The following CACNA2D3 variants were observed in gnomAD, a reference collection of about 807,000 sequenced individuals.
CACNA2D3 encodes calcium voltage-gated channel auxiliary subunit alpha2delta 3.
CACNA2D3 carries 60 observed loss-of-function variants against 160.6 expected under a neutral mutation model. The observed-to-expected ratio is 0.37, with a 90% CI of 0.30 to 0.46. The LOEUF is 0.46. Among genes scored for constraint, CACNA2D3 ranks in the 20% least tolerant of loss-of-function variants. The pLI is 1.00. For missense variants in CACNA2D3, 1,205 were observed against 1,365.0 expected, an observed-to-expected ratio of 0.88 and a Z score of 1.85; for synonymous variants, 558 against 492.9, an observed-to-expected ratio of 1.13 and a Z score of -1.75.
chr3:55,005,537 T>C (rs1311558948), intron 32 of CACNA2D3, among the ~76,000 whole-genome samples: 1 of 152,172 alleles, frequency 6.6e-6, no homozygotes. Context: ...CCCATTTTGA[T>C]CACAGGTATT....
chr3:54,773,785 A>T (rs1354388023), intron 13 of CACNA2D3, among the ~76,000 whole-genome samples: 1 of 152,172 alleles, frequency 6.6e-6, no homozygotes, highest in Non-Finnish European at 1.5e-5. Context: ...AGAGTTTTCT[A>T]TTAAACAGAG....
chr3:54,796,186 T>C (rs1289537266), intron 13 of CACNA2D3, among the ~76,000 whole-genome samples: 3 of 152,190 alleles, frequency 2.0e-5, no homozygotes, highest in African/African-American at 7.2e-5. Context: ...CAGAGTACTT[T>C]AAGTTTTTAG....
intron 4 of CACNA2D3, among the ~76,000 whole-genome samples, chr3:54,500,492 CCTTCCTTCCTAT>C (rs1477787059): frequency 2.7e-5 from 4 of 148,886 alleles, no homozygotes; most frequent in African/African-American, 7.4e-5. Context: ...TTCCTATCTT[CCTTCCTTCCTAT>C]CTTCCTTCCT....
intron 4 of CACNA2D3, among the ~76,000 whole-genome samples, chr3:54,490,204 T>C (rs946614491): frequency 8.5e-5 from 13 of 152,232 alleles, no homozygotes; most frequent in African/African-American, 2.9e-4. Flanking sequence ...GCAGGCACTG[T>C]GTGGTGACTT....
intron 4 of CACNA2D3, among the ~76,000 whole-genome samples, chr3:54,388,763 G>A (rs1308306961): frequency 6.6e-6 from 1 of 152,198 alleles, no homozygotes; most frequent in East Asian, 1.9e-4. Flanking sequence ...GACTTGTAGA[G>A]TGGGCCAGAA....
In CACNA2D3 at chr3:54,896,754, TC is replaced by T. The variant is rs1559621156; in HGVS notation, c.2254del (p.Leu752Ter). 2 of 1,613,982 alleles carry T rather than the reference TC, an allele frequency of 1.2e-6. No homozygotes were observed. The highest frequency in any genetic ancestry group is 1.7e-6 in the Non-Finnish European group (2 of 1,179,876). The stretch of plus-strand genomic sequence containing the variant: ...TGATTCTTTTCCACTTCAAGGGACT[TC>T]CTGAAAGCTGGCGACAAGGAGAACA... ...VGAEQLTNQD[F>X]LKAGDKENIF... On this transcript the variant is annotated frameshift_variant, in exon 26 of 38. Transcript: ENST00000474759. LOFTEE classifies it high-confidence loss of function.
chr3:54,803,251 C>G (rs1233202564), intron 13 of CACNA2D3, among the ~76,000 whole-genome samples: 1 of 152,188 alleles, frequency 6.6e-6, no homozygotes. Context: ...TTCAGACGAT[C>G]AAACTACTCC....
intron 10 of CACNA2D3, 81 bp downstream of exon 10, chr3:54,627,957 G>T: frequency 1.0e-6 from 1 of 972,482 alleles, no homozygotes. Flanking sequence ...GCCAGGCTGG[G>T]CGCTGTGGTT....
At chr3:54,470,534 TA>T (rs1294950088) in intron 4 of CACNA2D3, among the ~76,000 whole-genome samples, 2 of 152,086 alleles carry the variant, frequency 1.3e-5, no homozygotes, top group Admixed American at 6.5e-5. Context: ...AATTAATGGG[TA>T]AAATAACCAG....
chr3:54,239,131 A>T (rs1169384622), intron 2 of CACNA2D3, among the ~76,000 whole-genome samples: 1 of 152,240 alleles, frequency 6.6e-6, no homozygotes. Flanking sequence ...GCAGTATTGT[A>T]CAGTAATTAT....
chr3:54,273,713 C>T (rs951581495), intron 2 of CACNA2D3, among the ~76,000 whole-genome samples: 18 of 152,174 alleles, frequency 1.2e-4, no homozygotes, highest in African/African-American at 3.4e-4. Flanking sequence ...ATCTGGCGAC[C>T]GTTCTCGGAG....
chr3:55,013,942 C>T (rs1205809485), intron 34 of CACNA2D3, among the ~76,000 whole-genome samples: 14 of 152,126 alleles, frequency 9.2e-5, no homozygotes, highest in Admixed American at 9.2e-4. Context: ...CGGACGCTCC[C>T]TTGGGTGCTT....
At chr3:55,005,577 C>G (rs1703077749) in intron 32 of CACNA2D3, among the ~76,000 whole-genome samples, 1 of 152,170 alleles carries the variant, frequency 6.6e-6, no homozygotes, top group African/African-American at 2.4e-5. Flanking sequence ...CACTGGGTTT[C>G]AGCATCGTTT....
At chr3:54,233,133 T>G (rs560021309) in intron 2 of CACNA2D3, among the ~76,000 whole-genome samples, 1 of 152,320 alleles carries the variant, frequency 6.6e-6, no homozygotes, top group South Asian at 2.1e-4. Flanking sequence ...GTGTCCTTTT[T>G]TCATTCACTC....
intron 4 of CACNA2D3, among the ~76,000 whole-genome samples, chr3:54,452,040 C>T (rs1421484621): frequency 1.3e-5 from 2 of 152,176 alleles, no homozygotes; most frequent in African/African-American, 4.8e-5. Flanking sequence ...CTAGAAGTAC[C>T]TTTAAACTTC....
At chr3:54,960,994 T>A (rs970891415) in intron 27 of CACNA2D3, among the ~76,000 whole-genome samples, 3 of 152,244 alleles carry the variant, frequency 2.0e-5, no homozygotes, top group African/African-American at 7.2e-5. Flanking sequence ...AACCCTGGGT[T>A]AATCATGAAA....
chr3:55,062,878 T>C (rs750959494), intron 35 of CACNA2D3, among the ~76,000 whole-genome samples: 2 of 152,218 alleles, frequency 1.3e-5, no homozygotes, highest in Admixed American at 1.3e-4. Flanking sequence ...ACTCCAAAGC[T>C]TACAGTTTTC....
At chr3:55,026,990 C>T (rs358445) in intron 35 of CACNA2D3, among the ~76,000 whole-genome samples, 3 of 146,518 alleles carry the variant, frequency 2.0e-5, no homozygotes, top group Non-Finnish European at 4.4e-5. Context: ...CGCGCATGCA[C>T]GCACACACAC....
intron 29 of CACNA2D3, among the ~76,000 whole-genome samples, chr3:54,981,114 A>C (rs1679934906): frequency 6.6e-6 from 1 of 152,220 alleles, no homozygotes; most frequent in South Asian, 2.1e-4. Flanking sequence ...GTGAAAAGAG[A>C]AAGCACAGTC....
Sources: gnomAD v4.1 joint callset for allele counts (sites outside exome capture counted in the v4.1 genomes callset) on GRCh38, gnomAD v4.1.1 for gene constraint, MANE v1.5 for transcripts, NCBI Gene and HGNC (gene_info 2026-07-23, HGNC 2026-07-21) for gene names.